The following GALNT16 variants were observed in gnomAD, a reference collection of about 807,000 sequenced individuals.
GALNT16 encodes the protein UDP-GalNAc:polypeptide N-acetylgalactosaminyltransferase-like protein 1.
In GALNT16, 40 loss-of-function variants were observed where a neutral mutation model predicts 76.1. The observed-to-expected ratio is 0.53, with a 90% CI of 0.41 to 0.68. The LOEUF (loss-of-function observed/expected upper bound fraction) is 0.68. Among genes scored for constraint, GALNT16 ranks in the 30% least tolerant of loss-of-function variants. The probability of loss-of-function intolerance (pLI) is 0.00; values close to 1 mark genes in which losing one functional copy is unlikely to be tolerated. For missense variants in GALNT16, 621 were observed against 731.9 expected (o/e 0.85, Z 1.75); for synonymous variants, 276 against 285.2 (o/e 0.97, Z 0.32).
the GALNT16 span, among the ~76,000 whole-genome samples, chr14:69,369,597 A>T: frequency 2.0e-5 from 3 of 152,144 alleles, no homozygotes; most frequent in Non-Finnish European, 4.4e-5. Context: ...CTTCAATAGG[A>T]ACATCCATGT....
chr14:69,355,541 C>T (rs1446239457), downstream of GALNT16: 1 of 152,648 alleles, frequency 6.6e-6, no homozygotes, highest in Non-Finnish European at 1.5e-5. Context: ...CTCTTGCTTG[C>T]TCTCCTCCAA....
intron 1 of GALNT16, among the ~76,000 whole-genome samples, chr14:69,317,049 A>G (rs1200231216): frequency 6.6e-6 from 1 of 152,160 alleles, no homozygotes; most frequent in Non-Finnish European, 1.5e-5. Context: ...CCTGCTTGAC[A>G]TAAGAATTCC....
intron 1 of GALNT16, among the ~76,000 whole-genome samples, chr14:69,289,032 C>T (rs2044655475): frequency 1.3e-5 from 2 of 152,184 alleles, no homozygotes; most frequent in South Asian, 2.1e-4. Flanking sequence ...CACACACCCC[C>T]ATGCCTGGCT....
Position 69,328,522 on chromosome 14 carries a change from G to A in GALNT16, c.641G>A (p.Cys214Tyr), listed in dbSNP as rs2045313860. Reference sequence around the variant, plus strand: ...GTTCTCACCTTTCTGGATAGCCACTGCGAAGTGAACACCGAGTGGCTGCCG... The same window carrying A: ...GTTCTCACCTTTCTGGATAGCCACTACGAAGTGAACACCGAGTGGCTGCCG... ...ATVLTFLDSH[C>Y]EVNTEWLPPM... The change falls in exon 6 of 15, where the codon TGC becomes TAC. Residue 214 changes from cysteine to tyrosine, a missense_variant. By Grantham distance (194) the Cys-to-Tyr change is radical. Transcript: ENST00000448469. The A allele has an allele frequency of 6.2e-7, 1 of 1,614,060 alleles. No homozygotes were observed. Among genetic ancestry groups the A allele is most frequent in the Non-Finnish European group, 8.5e-7 (1 of 1,179,994 alleles).
At chr14:69,318,560 C>A (rs2045134211) in intron 1 of GALNT16, among the ~76,000 whole-genome samples, 1 of 152,130 alleles carries the variant, frequency 6.6e-6, no homozygotes, top group South Asian at 2.1e-4. Context: ...AGAAGGGTGC[C>A]CCAGTGCCTG....
In GALNT16 at chr14:69,311,177, G is replaced by A. The variant is rs369413755; in HGVS notation, c.178-9534G>A. ...CTGGAAACCCAAGATCAAGGCACCA[G>A]CAGGTTTGGTGTCTGATGAGGGCTG... On this transcript the variant is annotated intron_variant, in intron 1 of 14. Coordinates refer to ENST00000448469, the MANE Select transcript of GALNT16 (RefSeq NM_001168368.2). Among the ~76,000 whole-genome samples the A allele has an allele frequency of 3.0e-4, 46 of 152,316 alleles. 1 individual carries two copies. The South Asian group carries it at 9.5e-3, about 32-fold the overall frequency.
At chr14:69,346,986 G>C in intron 12 of GALNT16, 54 bp from the exon 13 acceptor site, 1 of 1,609,670 alleles carries the variant, frequency 6.2e-7, no homozygotes, top group Non-Finnish European at 8.5e-7. Context: ...GGCAGAGGGT[G>C]TAGGTAAGCC....
At chr14:69,335,883 G>A (rs994064407) in intron 9 of GALNT16, among the ~76,000 whole-genome samples, 1 of 152,144 alleles carries the variant, frequency 6.6e-6, no homozygotes, top group Non-Finnish European at 1.5e-5. Context: ...AGTGGGGCTG[G>A]CAGATGTGCA....
At chr14:69,373,668 A>G in the GALNT16 span, among the ~76,000 whole-genome samples, 1 of 152,192 alleles carries the variant, frequency 6.6e-6, no homozygotes, top group African/African-American at 2.4e-5. Context: ...AGGAAAGCAA[A>G]TCACTAAGAG....
chr14:69,379,887 A>G, the GALNT16 span, among the ~76,000 whole-genome samples: 476 of 152,324 alleles, frequency 3.1e-3, 4 homozygotes, highest in African/African-American at 0.011. Context: ...AAAGTCATTT[A>G]TAACGTTTGC....
Position 69,347,032 on chromosome 14 carries a change from T to G in GALNT16, c.1272-8T>G. The G allele has an allele frequency of 6.2e-7, 1 of 1,614,022 alleles. No homozygotes were observed. The highest frequency in any genetic ancestry group is 1.3e-5 in the African/African-American group (1 of 75,018). ...AAGCACAAGCCTGACTGCTGCCTTTTCTCTCAGGGTCCCCGTGAAGGAAGC... is the reference window on the plus strand; with the variant it reads ...AAGCACAAGCCTGACTGCTGCCTTTGCTCTCAGGGTCCCCGTGAAGGAAGC... On this transcript the variant is annotated splice_polypyrimidine_tract_variant and splice_region_variant and intron_variant, in intron 12 of 14. Coordinates refer to ENST00000448469, the MANE Select transcript of GALNT16 (RefSeq NM_001168368.2).
At chr14:69,371,809 T>C in the GALNT16 span, among the ~76,000 whole-genome samples, 1 of 151,516 alleles carries the variant, frequency 6.6e-6, no homozygotes. Context: ...CCGGGCGTGG[T>C]GGCGTGAGCT....
chr14:69,310,648 C>T (rs1005644043), intron 1 of GALNT16, among the ~76,000 whole-genome samples: 6 of 152,222 alleles, frequency 3.9e-5, no homozygotes, highest in African/African-American at 1.4e-4. Flanking sequence ...GATCCCTGTA[C>T]ATGCATCTAA....
chr14:69,275,137 A>T (rs1169183277), intron 1 of GALNT16, among the ~76,000 whole-genome samples: 2 of 152,202 alleles, frequency 1.3e-5, no homozygotes, highest in Non-Finnish European at 2.9e-5. Flanking sequence ...AGCAGGTGCC[A>T]TAGCTGTGGG....
chr14:69,320,740 T>A lies in GALNT16; in HGVS notation c.207T>A (p.Asp69Glu), dbSNP rs1448796873. 6.2e-7 allele frequency: 1 copy of A among 1,614,024 alleles called. No homozygotes were observed. Among genetic ancestry groups the A allele is most frequent in the Non-Finnish European group, 8.5e-7 (1 of 1,179,986 alleles). The change falls in exon 2 of 15, where the codon GAT (aspartate) becomes GAA (glutamate). Residue 69 changes from aspartate (D) to glutamate (E), a missense_variant. By Grantham distance (45) the Asp-to-Glu change is conservative. Transcript: ENST00000448469. ...CAGGAACTCCCTCGAAAGGCTTTGA[T>A]GAGAAGGCCTACCTGTCGGCCAAGC... ...IVTGTPSKGF[D>E]EKAYLSAKQL...
chr14:69,317,393 T>C lies in GALNT16; in HGVS notation c.178-3318T>C, dbSNP rs369460620. 3.9e-5 allele frequency among the ~76,000 whole-genome samples: 6 copies of C among 152,312 alleles called. No individual in the cohort carries two copies. The South Asian group carries it at 1.2e-3, about 32-fold the overall frequency. The stretch of plus-strand genomic sequence containing the variant: ...TCTGTGGTCAGTTCTCCAGCTCCGC[T>C]CTGAGCTTGGGGTTGGCGGTTTCTT... On this transcript the variant is annotated intron_variant, in intron 1 of 14. Coordinates refer to ENST00000448469, the MANE Select transcript of GALNT16 (RefSeq NM_001168368.2).
chr14:69,265,287 G>A (rs1289620396), intron 1 of GALNT16, among the ~76,000 whole-genome samples: 1 of 152,194 alleles, frequency 6.6e-6, no homozygotes, highest in Non-Finnish European at 1.5e-5. Flanking sequence ...AGGTCCAAGG[G>A]CACGGGACTA....
intron 4 of GALNT16, 50 bp downstream of exon 4, chr14:69,325,454 G>A (rs747657466): frequency 2.7e-6 from 3 of 1,107,800 alleles, no homozygotes; most frequent in South Asian, 2.5e-5. Context: ...CCTCGTCCCT[G>A]TTTCCCCAGA....
At chr14:69,277,986 CA>C (rs1272903280) in intron 1 of GALNT16, among the ~76,000 whole-genome samples, 1 of 151,636 alleles carries the variant, frequency 6.6e-6, no homozygotes, top group African/African-American at 2.4e-5. Flanking sequence ...AAATGCAAAT[CA>C]AAACCACAAT....
Sources: gnomAD v4.1 joint callset for allele counts (sites outside exome capture counted in the v4.1 genomes callset) on GRCh38, gnomAD v4.1.1 for gene constraint, MANE v1.5 for transcripts, NCBI Gene and HGNC (gene_info 2026-07-23, HGNC 2026-07-21) for gene names.